SLC16A10: variants seen among roughly 807,000 people sequenced by gnomAD.
The protein encoded by SLC16A10 is monocarboxylate transporter 10.
SLC16A10 carries 27 observed loss-of-function variants against 40.0 expected under a neutral mutation model. The ratio of observed to expected loss-of-function variants is 0.67; its 90% CI spans 0.50 to 0.93. The LOEUF (loss-of-function observed/expected upper bound fraction) is 0.93. SLC16A10 is among the 40% of genes least tolerant of loss of function. The pLI, the probability that SLC16A10 is intolerant of heterozygous loss-of-function variation, is 0.00. For missense variants in SLC16A10, 529 were observed against 658.2 expected (o/e 0.80, Z 2.15); for synonymous variants, 213 against 249.8 (o/e 0.85, Z 1.39).
intron 3 of SLC16A10, among the ~76,000 whole-genome samples, chr6:111,181,701 T>C (rs1488544998): frequency 6.6e-6 from 1 of 152,166 alleles, no homozygotes; most frequent in African/African-American, 2.4e-5. Context: ...TGAGAGAGAA[T>C]ATGCATGCTT....
intron 4 of SLC16A10, among the ~76,000 whole-genome samples, chr6:111,211,700 A>G (rs1409013000): frequency 2.0e-5 from 3 of 152,240 alleles, no homozygotes; most frequent in Admixed American, 2.0e-4. Context: ...TAACCCATGC[A>G]GGATGCTGGA....
intron 1 of SLC16A10, among the ~76,000 whole-genome samples, chr6:111,098,081 C>T (rs1306475286): frequency 6.6e-6 from 1 of 152,000 alleles, no homozygotes; most frequent in Non-Finnish European, 1.5e-5. Flanking sequence ...CCGAGGTGGG[C>T]GGATCACTTG....
rs965885914 is a variant in SLC16A10, at chr6:111,230,398, G to C, written c.*8163G>C. ...ACACTCTCATTTTCCTAATTAGAAA[G>C]ACTATGCATTCACAATCCAGTACAC... is the stretch of plus-strand genomic sequence containing the variant. On this transcript the variant is annotated 3_prime_UTR_variant, in exon 6 of 6. Transcript: ENST00000368851. 4.6e-5 allele frequency: 7 copies of C among 152,162 alleles called. No homozygotes were observed. Among genetic ancestry groups the C allele is most frequent in the African/African-American group, 1.7e-4 (7 of 41,428 alleles). 9.4% of individuals were successfully genotyped at this position (152,162 alleles called of 1,614,324 possible).
chr6:111,201,947 A>T (rs998041728), intron 3 of SLC16A10, among the ~76,000 whole-genome samples: 1 of 152,252 alleles, frequency 6.6e-6, no homozygotes, highest in African/African-American at 2.4e-5. Flanking sequence ...TGTGGTTGAT[A>T]TATGAGAGCT....
chr6:111,179,273 A>C (rs559865793), intron 3 of SLC16A10, among the ~76,000 whole-genome samples: 24 of 152,384 alleles, frequency 1.6e-4, no homozygotes, highest in African/African-American at 5.5e-4. Context: ...TTTGTAAATT[A>C]ATTTCACATA....
intron 4 of SLC16A10, among the ~76,000 whole-genome samples, chr6:111,215,127 A>T (rs551037255): frequency 1.3e-5 from 2 of 152,118 alleles, no homozygotes; most frequent in South Asian, 2.1e-4. Flanking sequence ...TCAAAAAAAT[A>T]AAAAAAATAA....
intron 2 of SLC16A10, among the ~76,000 whole-genome samples, chr6:111,174,300 T>G (rs1017337433): frequency 2.0e-5 from 3 of 152,026 alleles, no homozygotes; most frequent in Non-Finnish European, 4.4e-5. Context: ...TAAGTCAAAT[T>G]TACATTTGAC....
intron 1 of SLC16A10, among the ~76,000 whole-genome samples, chr6:111,091,043 C>T (rs987473949): frequency 2.6e-5 from 4 of 152,138 alleles, no homozygotes; most frequent in Admixed American, 2.0e-4. Flanking sequence ...ACTTTAGATG[C>T]GTTCCTATTT....
chr6:111,152,693 A>G (rs1772193725), intron 1 of SLC16A10, among the ~76,000 whole-genome samples: 1 of 152,210 alleles, frequency 6.6e-6, no homozygotes, highest in Admixed American at 6.5e-5. Flanking sequence ...CTGGCTTTCC[A>G]GAACATGCTG....
At position 111,177,524 on chromosome 6, in the gene SLC16A10, A is replaced by G. The variant is rs766003646; in HGVS notation, c.801A>G (p.Gly267=). 1.2e-6 allele frequency: 2 copies of G among 1,613,628 alleles called. No individual in the cohort carries two copies. The highest frequency in any genetic ancestry group is 2.2e-5 in the South Asian group (2 of 90,992). ...AAGATAAAGAGAGTGGAGGTAGCGG[A>G]TCCTCCCTCTTTTCCAGGAAAAAGT... ...STKDKESGGS[G]SSLFSRKKFS... is the part of the protein sequence containing the mutation. The change falls in exon 3 of 6, where the codon GGA becomes GGG. Residue 267 remains glycine (G), a synonymous_variant. Coordinates refer to ENST00000368851, the MANE Select transcript of SLC16A10 (RefSeq NM_018593.5).
chr6:111,092,309 T>TTTG (rs1451632562), intron 1 of SLC16A10, among the ~76,000 whole-genome samples: 7 of 139,904 alleles, frequency 5.0e-5, no homozygotes, highest in African/African-American at 1.4e-4. Context: ...TGTCTCTTTT[T>TTTG]TTGTTGTTTT....
intron 1 of SLC16A10, among the ~76,000 whole-genome samples, chr6:111,100,836 A>G (rs1771162270): frequency 6.6e-6 from 1 of 151,816 alleles, no homozygotes. Context: ...TGATGCATGT[A>G]TGCATATATA....
chr6:111,124,410 C>G (rs556378996), intron 1 of SLC16A10, among the ~76,000 whole-genome samples: 40 of 150,686 alleles, frequency 2.7e-4, no homozygotes, highest in Middle Eastern at 6.8e-3. Context: ...GGCTGGAGTG[C>G]AGTGGTGCAA....
At chr6:111,214,124 C>T (rs901573270) in intron 4 of SLC16A10, among the ~76,000 whole-genome samples, 5 of 152,134 alleles carry the variant, frequency 3.3e-5, no homozygotes, top group African/African-American at 1.2e-4. Context: ...CATACACTAA[C>T]TCATAGAAGG....
At chr6:111,217,689 A>G (rs898253488) in intron 4 of SLC16A10, among the ~76,000 whole-genome samples, 1 of 152,266 alleles carries the variant, frequency 6.6e-6, no homozygotes, top group African/African-American at 2.4e-5. Context: ...CGACCTCATG[A>G]TCTGCCCACC....
intron 1 of SLC16A10, among the ~76,000 whole-genome samples, chr6:111,153,040 A>G (rs1295581821): frequency 1.3e-5 from 2 of 152,160 alleles, no homozygotes; most frequent in African/African-American, 4.8e-5. Context: ...GTGGTAATTA[A>G]GTGCTGGGGA....
At chr6:111,112,775 A>G in intron 1 of SLC16A10, among the ~76,000 whole-genome samples, 1 of 152,246 alleles carries the variant, frequency 6.6e-6, no homozygotes, top group South Asian at 2.1e-4. Flanking sequence ...GCACTAAACA[A>G]ATAGCTGTAC....
chr6:111,114,937 T>TGA (rs1771459149), intron 1 of SLC16A10, among the ~76,000 whole-genome samples: 1 of 151,796 alleles, frequency 6.6e-6, no homozygotes, highest in Non-Finnish European at 1.5e-5. Context: ...TGCAGTGGTG[T>TGA]GATCTTGGCT....
intron 1 of SLC16A10, among the ~76,000 whole-genome samples, chr6:111,138,794 C>T (rs998666336): frequency 2.0e-5 from 3 of 152,008 alleles, no homozygotes; most frequent in Non-Finnish European, 2.9e-5. Context: ...TGGCAGTGCT[C>T]GTTGAATGTT....
Sources: gnomAD v4.1 joint callset for allele counts (sites outside exome capture counted in the v4.1 genomes callset) on GRCh38, gnomAD v4.1.1 for gene constraint, MANE v1.5 for transcripts, NCBI Gene and HGNC (gene_info 2026-07-23, HGNC 2026-07-21) for gene names.